Variants in FTCDNL1 observed in about 807,000 individuals in gnomAD.
FTCDNL1 encodes the protein formiminotransferase cyclodeaminase N-terminal like.
FTCDNL1 carries 11 observed loss-of-function variants against 5.9 expected under a neutral mutation model. That is an observed-to-expected ratio of 1.87 (90% CI 1.18 to 3.10). FTCDNL1 has a LOEUF of 3.10. Among genes scored for constraint, FTCDNL1 ranks in the 30% most tolerant of loss-of-function variants. FTCDNL1 has a pLI of 0.00. For missense variants in FTCDNL1, 115 were observed against 65.5 expected, an observed-to-expected ratio of 1.76 and a Z score of -2.61; for synonymous variants, 58 against 24.8, an observed-to-expected ratio of 2.34 and a Z score of -3.99.
At chr2:199,717,509 A>ATTTTTTTTTTTTTTTTT in the FTCDNL1 span, among the ~76,000 whole-genome samples, 58 of 57,692 alleles carry the variant, frequency 1.0e-3, 3 homozygotes, top group East Asian at 0.017. Context: ...CAAGGCAGAG[A>ATTTTTTTTTTTTTTTTT]TTTTTTTTTT....
At position 199,819,680 on chromosome 2, in the gene FTCDNL1, G is replaced by C. The variant is rs762615173; in HGVS notation, c.289C>G (p.Arg97Gly). The C allele has an allele frequency of 2.8e-6, 2 of 702,252 alleles. No homozygotes were observed. The highest frequency in any genetic ancestry group is 2.7e-5 in the East Asian group (1 of 37,282). 43.5% of individuals were successfully genotyped at this position (702,252 alleles called of 1,614,324 possible). Residue 97 changes from arginine (R) to glycine (G), a missense_variant, in exon 4 of 5, where the codon CGC becomes GGC. Transcript: ENST00000420128. ...LFGEADLPEK[R>G]SLVQRRKQLG... ...TGCTTCCTTCTCTGCACAAGACTGCGCTTCTCAGGCAGGTCAGCTTCGCCA... is the reference window on the plus strand; with the variant it reads ...TGCTTCCTTCTCTGCACAAGACTGCCCTTCTCAGGCAGGTCAGCTTCGCCA...
the FTCDNL1 span, among the ~76,000 whole-genome samples, chr2:199,705,981 C>A: frequency 6.6e-6 from 1 of 152,154 alleles, no homozygotes; most frequent in African/African-American, 2.4e-5. Context: ...CTAATAATCC[C>A]TGTCTTGGGC....
chr2:199,737,767 G>C, the FTCDNL1 span, among the ~76,000 whole-genome samples: 1 of 152,176 alleles, frequency 6.6e-6, no homozygotes, highest in African/African-American at 2.4e-5. Context: ...GCTGAATAAC[G>C]TGAATAAAGA....
At chr2:199,843,928 T>TA (rs1476042363) in intron 3 of FTCDNL1, among the ~76,000 whole-genome samples, 8 of 149,480 alleles carry the variant, frequency 5.4e-5, no homozygotes, top group South Asian at 2.2e-4. Flanking sequence ...AAGAAAATCT[T>TA]AGAGTTGTGC....
At chr2:199,696,417 A>C in the FTCDNL1 span, among the ~76,000 whole-genome samples, 34 of 152,178 alleles carry the variant, frequency 2.2e-4, 1 homozygote, top group Admixed American at 2.2e-3. Flanking sequence ...TGTTGCCGGC[A>C]GACTGGGGAC....
the FTCDNL1 span, among the ~76,000 whole-genome samples, chr2:199,667,867 T>C: frequency 6.6e-6 from 1 of 152,128 alleles, no homozygotes; most frequent in South Asian, 2.1e-4. Flanking sequence ...AAGGGAGCTA[T>C]GAGAGTGGCA....
Position 199,831,459 on chromosome 2 carries a change from T to C in FTCDNL1, c.212-11702A>G, listed in dbSNP as rs573100627. 1.2e-4 allele frequency among the ~76,000 whole-genome samples: 18 copies of C among 152,342 alleles called. No homozygotes were observed. In the South Asian group the frequency reaches 3.3e-3, roughly 28 times the overall value. ...ACAGGAGAACAGACAAAATGTGTTA[T>C]ATTCATATTATGATAATTATAAAGC... is the stretch of plus-strand genomic sequence containing the variant. On this transcript the variant is annotated intron_variant, in intron 3 of 4. Coordinates refer to ENST00000420128, the MANE Select transcript of FTCDNL1 (RefSeq NM_001363886.2).
intron 3 of FTCDNL1, among the ~76,000 whole-genome samples, chr2:199,769,606 G>A (rs1180800535): frequency 6.6e-6 from 1 of 152,172 alleles, no homozygotes; most frequent in Non-Finnish European, 1.5e-5. Flanking sequence ...AAAGATATTT[G>A]GGCATTTTTT....
chr2:199,714,876 AG>A, the FTCDNL1 span, among the ~76,000 whole-genome samples: 168 of 147,516 alleles, frequency 1.1e-3, 1 homozygote, highest in African/African-American at 4.1e-3. Context: ...TCTCACTCAT[AG>A]GTGGGAAATG....
chr2:199,785,375 A>G (rs1274019048), intron 3 of FTCDNL1, among the ~76,000 whole-genome samples: 1 of 149,412 alleles, frequency 6.7e-6, no homozygotes, highest in African/African-American at 2.5e-5. Flanking sequence ...AGCCTCTCCG[A>G]GTAGCTGGGA....
chr2:199,720,898 T>C, the FTCDNL1 span, among the ~76,000 whole-genome samples: 1 of 152,164 alleles, frequency 6.6e-6, no homozygotes, highest in Non-Finnish European at 1.5e-5. Flanking sequence ...TACTACACGG[T>C]ATAACAGCAG....
rs1427423183 is a variant in FTCDNL1, at chr2:199,811,930, G to A, written c.*775C>T. On this transcript the variant is annotated 3_prime_UTR_variant, in exon 5 of 5. Transcript: ENST00000420128. ...TGTCCCAACAGCGACTTACTTGATTGAAATGAAACTCTTATTTTTAAAATT... is the reference window on the plus strand; with the variant it reads ...TGTCCCAACAGCGACTTACTTGATTAAAATGAAACTCTTATTTTTAAAATT... Among the ~76,000 whole-genome samples, 1 of 152,164 alleles carries A rather than the reference G, an allele frequency of 6.6e-6. No homozygotes were observed. Among genetic ancestry groups the A allele is most frequent in the Non-Finnish European group, 1.5e-5 (1 of 68,038 alleles).
intron 3 of FTCDNL1, among the ~76,000 whole-genome samples, chr2:199,765,556 A>T (rs4561646): frequency 0.71 from 31,562 of 44,452 alleles, 10,971 homozygotes; most frequent in South Asian, 0.78. Flanking sequence ...ATATATATAT[A>T]TTTTTTTTTT....
At chr2:199,749,393 T>C in the FTCDNL1 span, among the ~76,000 whole-genome samples, 1 of 152,180 alleles carries the variant, frequency 6.6e-6, no homozygotes, top group Non-Finnish European at 1.5e-5. Flanking sequence ...CAATATCTTT[T>C]TACCATACAA....
intron 3 of FTCDNL1, among the ~76,000 whole-genome samples, chr2:199,770,896 C>G (rs1698775162): frequency 6.6e-6 from 1 of 152,186 alleles, no homozygotes. Context: ...AGCAGATGCA[C>G]AGAGAGAGCT....
chr2:199,664,754 T>C, the FTCDNL1 span, among the ~76,000 whole-genome samples: 1 of 152,206 alleles, frequency 6.6e-6, no homozygotes, highest in African/African-American at 2.4e-5. Flanking sequence ...TGTCTTCCCA[T>C]TGGAATTACT....
intron 3 of FTCDNL1, among the ~76,000 whole-genome samples, chr2:199,764,821 C>G (rs982523090): frequency 6.6e-6 from 1 of 152,154 alleles, no homozygotes; most frequent in African/African-American, 2.4e-5. Flanking sequence ...TAGGACCTTC[C>G]AAGACCCTGT....
At chr2:199,676,115 A>G in the FTCDNL1 span, among the ~76,000 whole-genome samples, 1 of 152,156 alleles carries the variant, frequency 6.6e-6, no homozygotes, top group African/African-American at 2.4e-5. Flanking sequence ...ATTAGCTATA[A>G]CTCAGTCACA....
At chr2:199,845,141 T>C (rs1328102956) in intron 3 of FTCDNL1, among the ~76,000 whole-genome samples, 1 of 152,248 alleles carries the variant, frequency 6.6e-6, no homozygotes, top group Non-Finnish European at 1.5e-5. Flanking sequence ...TGAATTATTA[T>C]AGCTAAATGC....
Sources: allele counts gnomAD v4.1 joint callset (sites outside exome capture counted in the v4.1 genomes callset), GRCh38; gene constraint gnomAD v4.1.1; transcripts MANE v1.5; gene names NCBI Gene and HGNC (gene_info 2026-07-23, HGNC 2026-07-21).